PPP2R5B: variants seen among roughly 807,000 people sequenced by gnomAD.
The protein encoded by PPP2R5B is protein phosphatase 2 regulatory subunit B'beta.
PPP2R5B carries 19 observed loss-of-function variants against 59.9 expected under a neutral mutation model. The observed-to-expected ratio is 0.32, with a 90% CI of 0.22 to 0.47. The LOEUF (loss-of-function observed/expected upper bound fraction) is 0.47. Ranked by LOEUF, PPP2R5B falls within the 20% of genes least tolerant of loss-of-function variation. The pLI is 1.00. For synonymous variants in PPP2R5B, 286 were observed against 260.5 expected, an observed-to-expected ratio of 1.10 and a Z score of -0.94; for missense variants, 441 against 640.2, an observed-to-expected ratio of 0.69 and a Z score of 3.36.
rs1306708149 is a variant in PPP2R5B, at chr11:64,933,219, C to T, written c.1319C>T (p.Thr440Ile). ...AATGGGAAGCTGTTTGATGAGCTCA[C>T]AGCCTCCTACAAGCTGGAAAAGCAG... ...EMNGKLFDEL[T>I]ASYKLEKQQE... The change falls in exon 13 of 14, where the codon ACA becomes ATA. Residue 440 changes from threonine (T) to isoleucine (I), a missense_variant. Transcript: ENST00000164133. 2 of 1,611,932 alleles carry T rather than the reference C, an allele frequency of 1.2e-6. No homozygotes were observed. The highest frequency in any genetic ancestry group is 2.7e-5 in the African/African-American group (2 of 74,986).
chr11:64,930,914 C>T (rs1945221594), intron 8 of PPP2R5B, among the ~76,000 whole-genome samples: 1 of 152,006 alleles, frequency 6.6e-6, no homozygotes, highest in Non-Finnish European at 1.5e-5. Context: ...TACTCTGTTG[C>T]CTCAGCTGGA....
rs1357977004 is a variant in PPP2R5B at position 64,934,404 on chromosome 11, G to A, written c.*560G>A. 13 of 359,674 alleles carry A rather than the reference G, an allele frequency of 3.6e-5. No homozygotes were observed. Among genetic ancestry groups the A allele is most frequent in the African/African-American group, 8.4e-5 (4 of 47,776 alleles). The allele number at this position is 359,674 out of a possible 1,614,324, so 22.3% of individuals were successfully genotyped here. On this transcript the variant is annotated 3_prime_UTR_variant, in exon 14 of 14. Transcript: ENST00000164133. ...GATTCACAGTGTCCTGGGGTAAGGG[G>A]GGGTTCACAGTAATCATGGTCTACT... is the stretch of plus-strand genomic sequence containing the variant.
intron 1 of PPP2R5B, among the ~76,000 whole-genome samples, chr11:64,918,771 G>A (rs945867914): frequency 1.3e-5 from 2 of 152,196 alleles, no homozygotes; most frequent in African/African-American, 4.8e-5. Context: ...TTACAGGTGT[G>A]AGCTACCCCA....
In PPP2R5B at chr11:64,933,891, T is replaced by C; in HGVS notation, c.*47T>C. On this transcript the variant is annotated 3_prime_UTR_variant, in exon 14 of 14. Transcript: ENST00000164133. ...AGCTAAACCCAGAGCTGTCAGTCCC[T>C]CTATCCCTTCTCCTGTCCAGGGGCC... 6.8e-7 allele frequency: 1 copy of C among 1,459,894 alleles called. No individual in the cohort carries two copies. The highest frequency in any genetic ancestry group is 2.5e-5 in the East Asian group (1 of 39,572). The allele number at this position is 1,459,894 out of a possible 1,614,324, so 90.4% of individuals were successfully genotyped here.
At chr11:64,922,598 G>A (rs147029783), upstream of PPP2R5B, among the ~76,000 whole-genome samples, 7,317 of 152,136 alleles carry the variant, frequency 0.048, 203 homozygotes, top group Middle Eastern at 0.068. Context: ...TTTTCAGCCG[G>A]GCACAGTGGC....
chr11:64,926,992 G>T, intron 3 of PPP2R5B, 84 bp downstream of exon 3: 1 of 1,478,834 alleles, frequency 6.8e-7, no homozygotes. Context: ...CCTGCGTGGA[G>T]AATAACCCTG....
chr11:64,920,787 G>A (rs928982001), upstream of PPP2R5B, among the ~76,000 whole-genome samples: 15 of 151,456 alleles, frequency 9.9e-5, no homozygotes, highest in South Asian at 2.3e-3. Flanking sequence ...GCACCACCAC[G>A]CCTGGCTAAT....
At chr11:64,923,678 T>C (rs1419026344), upstream of PPP2R5B, among the ~76,000 whole-genome samples, 1 of 152,138 alleles carries the variant, frequency 6.6e-6, no homozygotes, top group Non-Finnish European at 1.5e-5. Context: ...CAAAGCAAGA[T>C]GGGGCAGACT....
Position 64,931,380 on chromosome 11 carries a change from G to A in PPP2R5B, c.892-56G>A. On this transcript the variant is annotated intron_variant, in intron 8 of 13. Coordinates refer to ENST00000164133, the MANE Select transcript of PPP2R5B (RefSeq NM_006244.4). This position sits in a 1 kb window ranked among gnomAD's most constrained non-coding sequence, Gnocchi z 5.0. Reference sequence around the variant, plus strand: ...ATTCTGTCCTGGACAGCAAGTCCTTGGCGCCTGGTGCCTTCCTGACCTGTC... The same window carrying A: ...ATTCTGTCCTGGACAGCAAGTCCTTAGCGCCTGGTGCCTTCCTGACCTGTC... 2 of 1,579,762 alleles carry A rather than the reference G, an allele frequency of 1.3e-6. No homozygotes were observed. The highest frequency in any genetic ancestry group is 1.1e-5 in the South Asian group (1 of 89,564).
At chr11:64,933,651 T>G (rs748378468) in intron 13 of PPP2R5B, 46 bp from the exon 14 acceptor site, 2 of 1,528,740 alleles carry the variant, frequency 1.3e-6, no homozygotes, top group Non-Finnish European at 8.8e-7. Context: ...GAGTCTGGAC[T>G]GTGGGGGGCC....
At position 64,925,561 on chromosome 11, in the gene PPP2R5B, C is replaced by T. The variant is rs2136677913; in HGVS notation, c.-174C>T. ...CCTCCTTTCTACCCTGTCTGCCCCCCAGGACTGGGCAGTTGCAGGAGGCCC... is the reference window on the plus strand; with the variant it reads ...CCTCCTTTCTACCCTGTCTGCCCCCTAGGACTGGGCAGTTGCAGGAGGCCC... On this transcript the variant is annotated 5_prime_UTR_variant, in exon 2 of 14. Coordinates refer to ENST00000164133, the MANE Select transcript of PPP2R5B (RefSeq NM_006244.4). This position sits in a 1 kb window ranked among gnomAD's most constrained non-coding sequence, Gnocchi z 4.6. 3 of 585,640 alleles carry T rather than the reference C, an allele frequency of 5.1e-6. No individual in the cohort carries two copies. The highest frequency in any genetic ancestry group is 6.2e-5 in the Admixed American group (2 of 32,518). 36.3% of individuals were successfully genotyped at this position (585,640 alleles called of 1,614,324 possible). A position where few individuals can be genotyped will look rare whatever the true frequency, so the allele number is the denominator to read the frequency against.
chr11:64,930,231 C>T, intron 6 of PPP2R5B, 91 bp from the exon 7 acceptor site: 1 of 1,386,054 alleles, frequency 7.2e-7, no homozygotes, highest in Non-Finnish European at 1.0e-6. Flanking sequence ...GATGAGCGTG[C>T]CGTGCAGGTG....
At chr11:64,927,940 A>T in intron 4 of PPP2R5B, 37 bp downstream of exon 4, 1 of 1,573,414 alleles carries the variant, frequency 6.4e-7, no homozygotes. Flanking sequence ...TCCAAGTTTC[A>T]GAAGAGATCC....
intron 1 of PPP2R5B, among the ~76,000 whole-genome samples, chr11:64,919,236 G>A (rs981201932): frequency 3.3e-5 from 5 of 152,230 alleles, no homozygotes; most frequent in South Asian, 2.1e-4. Flanking sequence ...CCAGCTACTC[G>A]GGAGGCTGAG....
chr11:64,918,889 A>G lies in PPP2R5B; in HGVS notation c.-265+1249A>G. ...AACCGCCCTGGCCCACCGGGCAGGG[A>G]CCTGTATTCCAGTCCCACCCATGGG... On this transcript the variant is annotated intron_variant, in intron 1 of 4. Transcript: ENST00000526559. Among the ~76,000 whole-genome samples the G allele has an allele frequency of 2.0e-5, 3 of 152,324 alleles. No individual in the cohort carries two copies. In the South Asian group the frequency reaches 6.2e-4, roughly 32 times the overall value.
chr11:64,922,527 C>T (rs994429502), upstream of PPP2R5B, among the ~76,000 whole-genome samples: 1 of 151,756 alleles, frequency 6.6e-6, no homozygotes, highest in African/African-American at 2.4e-5. Context: ...CTTGCATCCT[C>T]CAAGTGACAC....
chr11:64,933,803 C>A lies in PPP2R5B; in HGVS notation c.1453C>A (p.Arg485=), dbSNP rs192831260. The change falls in exon 14 of 14, where the codon CGG becomes AGG. Residue 485 remains arginine (R), a synonymous_variant. Transcript: ENST00000164133. ...TQGAKEAPLQ[R]LTPQVAASGG... is the part of the protein sequence containing the mutation. ...GGGGGCCAAGGAGGCCCCCCTCCAG[C>A]GGCTTACACCCCAGGTGGCCGCCAG... 8.4e-6 allele frequency: 13 copies of A among 1,551,964 alleles called. No homozygotes were observed. Among genetic ancestry groups the A allele is most frequent in the Non-Finnish European group, 1.1e-5 (13 of 1,147,698 alleles).
At chr11:64,922,907 G>A (rs1945123500), upstream of PPP2R5B, 1 of 150,634 alleles carries the variant, frequency 6.6e-6, no homozygotes, top group African/African-American at 2.4e-5. Flanking sequence ...TTTCTTCCAA[G>A]AGTCTTATCC....
upstream of PPP2R5B, chr11:64,924,627 C>G (rs933793332): frequency 6.6e-6 from 1 of 152,376 alleles, no homozygotes; most frequent in African/African-American, 2.4e-5. Flanking sequence ...CCCGGGCCTT[C>G]CTGACGCAGC....
Sources: gnomAD v4.1 joint callset for allele counts (sites outside exome capture counted in the v4.1 genomes callset) on GRCh38, gnomAD v4.1.1 for gene constraint, Gnocchi (gnomAD v3.1) non-coding constraint, MANE v1.5 for transcripts, NCBI Gene and HGNC (gene_info 2026-07-23, HGNC 2026-07-21) for gene names.